The following RGPD1 variants were observed in gnomAD, a reference collection of about 807,000 sequenced individuals.
The protein encoded by RGPD1 is RANBP2-like and GRIP domain-containing protein 1.
In RGPD1, 7 loss-of-function variants were observed where a neutral mutation model predicts 40.6. The ratio of observed to expected loss-of-function variants is 0.17; its 90% CI spans 0.10 to 0.32. RGPD1 has a LOEUF of 0.32. Among genes scored for constraint, RGPD1 ranks in the 10% least tolerant of loss-of-function variants. The probability of loss-of-function intolerance (pLI) is 1.00; values close to 1 mark genes in which losing one functional copy is unlikely to be tolerated. For missense variants in RGPD1, 50 were observed against 472.5 expected (o/e 0.11, Z 8.29); for synonymous variants, 24 against 167.0 (o/e 0.14, Z 6.60).
At chr2:86,925,259 TTTTTA>T (rs1202527676) in intron 1 of RGPD1, among the ~76,000 whole-genome samples, 13 of 151,704 alleles carry the variant, frequency 8.6e-5, no homozygotes, top group South Asian at 2.1e-4. Context: ...ATGTATCAGT[TTTTTA>T]TTTTATTTTA....
intron 4 of RGPD1, among the ~76,000 whole-genome samples, chr2:86,954,667 T>G (rs1217576674): frequency 3.9e-5 from 5 of 128,900 alleles, no homozygotes; most frequent in Non-Finnish European, 8.4e-5. Flanking sequence ...CTGAAATACT[T>G]CTGGTCTCAA....
chr2:86,918,194 C>G (rs1284883126), intron 1 of RGPD1, among the ~76,000 whole-genome samples: 1 of 150,808 alleles, frequency 6.6e-6, no homozygotes, highest in Non-Finnish European at 1.5e-5. Context: ...GTACTTATAC[C>G]ATCTACTCTG....
chr2:86,944,018 CAAAA>C (rs550193405), intron 1 of RGPD1, among the ~76,000 whole-genome samples: 10 of 149,264 alleles, frequency 6.7e-5, no homozygotes, highest in South Asian at 2.2e-4. Context: ...CAAAAAAAAA[CAAAA>C]AAAAACCAAA....
chr2:86,944,714 T>G lies in RGPD1; in HGVS notation c.72+2406T>G, dbSNP rs557099806. Among the ~76,000 whole-genome samples, 75 of 152,028 alleles carry G rather than the reference T, an allele frequency of 4.9e-4. 1 individual carries two copies. The East Asian group carries it at 0.014, about 28-fold the overall frequency. On this transcript the variant is annotated intron_variant, in intron 1 of 22. Coordinates refer to ENST00000641458, the MANE Select transcript of RGPD1 (RefSeq NM_001382344.1). ...AGGCGTGAGCCACTGCACTGGCCAT[T>G]ATTTTATTTTTGAGACAAGGTCTCT... is the stretch of plus-strand genomic sequence containing the variant.
In RGPD1 at chr2:86,926,883, G is replaced by C. The variant is rs1448278460; in HGVS notation, c.72+12962G>C. Among the ~76,000 whole-genome samples, 12 of 149,342 alleles carry C rather than the reference G, an allele frequency of 8.0e-5. No homozygotes were observed. The East Asian group carries it at 2.0e-3, about 24-fold the overall frequency. On this transcript the variant is annotated intron_variant, in intron 1 of 22. Transcript: ENST00000398193. ...CAATATTATCTTCACTCTTCATTAAGTTTGCACAGCAAAGTAATGGAATAA... is the reference window on the plus strand; with the variant it reads ...CAATATTATCTTCACTCTTCATTAACTTTGCACAGCAAAGTAATGGAATAA...
At chr2:86,942,560 C>CCTGGCCCGGCGGCGGCCTCGAT (rs1341486811) in intron 1 of RGPD1, among the ~76,000 whole-genome samples, 1 of 129,538 alleles carries the variant, frequency 7.7e-6, no homozygotes, top group Non-Finnish European at 1.7e-5. Context: ...GCGGCCTCGA[C>CCTGGCCCGGCGGCGGCCTCGAT]GTGGCCCGGC....
rs1403878581 is a variant in RGPD1, at chr2:86,942,327, G to C, written c.72+19G>C. On this transcript the variant is annotated intron_variant, in intron 1 of 22. Coordinates refer to ENST00000641458, the MANE Select transcript of RGPD1 (RefSeq NM_001382344.1). ...TGGAAAGGTGAGTGGATCTCGAAGA[G>C]ACCGACGGCCTCGACCTGGCCGGGC... 1.3e-6 allele frequency: 2 copies of C among 1,570,894 alleles called. No individual in the cohort carries two copies. Among genetic ancestry groups the C allele is most frequent in the Non-Finnish European group, 1.7e-6 (2 of 1,160,034 alleles).
At chr2:86,915,029 C>T (rs1233240998) in intron 1 of RGPD1, among the ~76,000 whole-genome samples, 1 of 149,846 alleles carries the variant, frequency 6.7e-6, no homozygotes, top group African/African-American at 2.5e-5. Context: ...GGCATGGTGG[C>T]TCACACCTGT....
intron 1 of RGPD1, among the ~76,000 whole-genome samples, chr2:86,926,769 C>A (rs966979440): frequency 3.3e-5 from 5 of 152,172 alleles, no homozygotes; most frequent in African/African-American, 1.2e-4. Flanking sequence ...TTACAAGGTT[C>A]AGTGAATTGT....
intron 1 of RGPD1, among the ~76,000 whole-genome samples, chr2:86,936,867 C>T (rs1573595322): frequency 1.4e-5 from 2 of 143,942 alleles, no homozygotes; most frequent in Non-Finnish European, 3.0e-5. Context: ...ATTTTTTCTG[C>T]TTTTGTCACA....
At chr2:86,915,439 C>G (rs1202741707) in intron 1 of RGPD1, among the ~76,000 whole-genome samples, 61 of 133,518 alleles carry the variant, frequency 4.6e-4, no homozygotes, top group Non-Finnish European at 8.0e-4. Flanking sequence ...GGCCAGGTAC[C>G]TAGAAGTATG....
rs1163129441 is a variant in RGPD1, at chr2:86,929,494, C to T, written c.72+15573C>T. Among the ~76,000 whole-genome samples, 25 of 151,984 alleles carry T rather than the reference C, an allele frequency of 1.6e-4. No individual in the cohort carries two copies. In the Middle Eastern group the frequency reaches 0.014, roughly 83 times the overall value. ...AATAACCAGGCTAGCATTTGTTTAG[C>T]ACTTGCTATGTGACAAGTACTGTTT... is the stretch of plus-strand genomic sequence containing the variant. On this transcript the variant is annotated intron_variant, in intron 1 of 22. Transcript: ENST00000398193.
chr2:86,923,279 C>T (rs182174129), intron 1 of RGPD1, among the ~76,000 whole-genome samples: 1 of 151,724 alleles, frequency 6.6e-6, no homozygotes, highest in African/African-American at 2.4e-5. Context: ...CCTCAAGTGA[C>T]CTTCCTGACC....
chr2:86,915,013 C>T (rs964273781), intron 1 of RGPD1, among the ~76,000 whole-genome samples: 1 of 149,754 alleles, frequency 6.7e-6, no homozygotes, highest in Non-Finnish European at 1.5e-5. Context: ...ATGGACATGC[C>T]TGCTGGGCAT....
At chr2:86,914,953 G>A (rs1212430382) in intron 1 of RGPD1, among the ~76,000 whole-genome samples, 39 of 139,058 alleles carry the variant, frequency 2.8e-4, no homozygotes, top group African/African-American at 9.6e-4. Flanking sequence ...GGCGGCGGCG[G>A]CCTGGCCTAA....
chr2:86,960,602 T>G (rs1294300872), intron 6 of RGPD1, among the ~76,000 whole-genome samples: 2 of 132,466 alleles, frequency 1.5e-5, no homozygotes, highest in African/African-American at 7.0e-5. Context: ...ATCTTTTTTT[T>G]TTTTTGAGAC....
At chr2:87,007,469 C>G (rs1328254315) in intron 22 of RGPD1, among the ~76,000 whole-genome samples, 1 of 152,254 alleles carries the variant, frequency 6.6e-6, no homozygotes, top group African/African-American at 2.4e-5. Flanking sequence ...CCTCCACTTC[C>G]GAGGTTCAAG....
At chr2:86,945,067 C>G (rs965872104) in intron 1 of RGPD1, among the ~76,000 whole-genome samples, 3 of 150,766 alleles carry the variant, frequency 2.0e-5, no homozygotes, top group Admixed American at 2.0e-4. Flanking sequence ...ATGTTTAGAG[C>G]CTTTCTGAGA....
chr2:86,930,540 C>A, intron 1 of RGPD1: 1 of 1,573,766 alleles, frequency 6.4e-7, no homozygotes, highest in East Asian at 2.3e-5. Flanking sequence ...GAAGGCCCAA[C>A]AGCAGCTAAA....
Sources: allele counts gnomAD v4.1 joint callset (sites outside exome capture counted in the v4.1 genomes callset), GRCh38; gene constraint gnomAD v4.1.1; transcripts MANE v1.5; gene names NCBI Gene and HGNC (gene_info 2026-07-23, HGNC 2026-07-21).